Variants in ZNF423 observed in about 807,000 individuals in gnomAD.
The protein encoded by ZNF423 is Ebf-associated zinc finger protein.
Under a neutral mutation model 95.8 loss-of-function variants are expected in ZNF423, and 12 were observed. The ratio of observed to expected loss-of-function variants is 0.13; its 90% CI spans 0.08 to 0.20. The LOEUF (loss-of-function observed/expected upper bound fraction) is 0.20, where lower values mean the gene tolerates loss of function less well. ZNF423 is among the 10% of genes least tolerant of loss of function. The probability of loss-of-function intolerance (pLI) is 1.00; values close to 1 mark genes in which losing one functional copy is unlikely to be tolerated. For missense variants in ZNF423, 1,316 were observed against 1,737.1 expected (o/e 0.76, Z 4.31); for synonymous variants, 749 against 711.9 (o/e 1.05, Z -0.83).
At chr16:49,627,798 C>A (rs1972351830) in intron 4 of ZNF423, among the ~76,000 whole-genome samples, 1 of 150,208 alleles carries the variant, frequency 6.7e-6, no homozygotes. Flanking sequence ...ACATTCCCAC[C>A]CATCTACCCA....
intron 3 of ZNF423, among the ~76,000 whole-genome samples, chr16:49,714,930 G>C (rs1016499797): frequency 6.6e-6 from 1 of 152,108 alleles, no homozygotes; most frequent in Non-Finnish European, 1.5e-5. Flanking sequence ...AGTTGGGTGT[G>C]GCTTGGTGGA....
In ZNF423 at chr16:49,792,108, T is replaced by A. The variant is rs553569296; in HGVS notation, c.41-2562A>T. On this transcript the variant is annotated intron_variant, in intron 1 of 7. Coordinates refer to ENST00000563137, the MANE Select transcript of ZNF423 (RefSeq NM_001379286.1). Reference sequence around the variant, plus strand: ...TAAGGATACAGAGTTTCTTTTTGATTTTTTTTTCTTTTTCTTTTATTGATT... The same window carrying A: ...TAAGGATACAGAGTTTCTTTTTGATATTTTTTTCTTTTTCTTTTATTGATT... 6.6e-5 allele frequency among the ~76,000 whole-genome samples: 10 copies of A among 152,116 alleles called. No homozygotes were observed. The South Asian group carries it at 1.0e-3, about 16-fold the overall frequency.
intron 2 of ZNF423, among the ~76,000 whole-genome samples, chr16:49,781,719 C>T (rs1016791349): frequency 1.3e-5 from 2 of 152,184 alleles, no homozygotes; most frequent in African/African-American, 2.4e-5. Flanking sequence ...GCCAAAACCT[C>T]GGGGCAAAGG....
At chr16:49,797,416 A>G (rs2034515468) in intron 1 of ZNF423, among the ~76,000 whole-genome samples, 1 of 152,240 alleles carries the variant, frequency 6.6e-6, no homozygotes, top group Non-Finnish European at 1.5e-5. Flanking sequence ...GCACAAAAGC[A>G]TAGCCAATCA....
At chr16:49,848,407 T>C (rs918440310) in intron 1 of ZNF423, among the ~76,000 whole-genome samples, 4 of 152,232 alleles carry the variant, frequency 2.6e-5, no homozygotes, top group African/African-American at 9.6e-5. Flanking sequence ...CAAATGAATA[T>C]TCAAAACAGT....
At chr16:49,832,524 G>A (rs1405927680) in intron 1 of ZNF423, among the ~76,000 whole-genome samples, 1 of 152,116 alleles carries the variant, frequency 6.6e-6, no homozygotes, top group Non-Finnish European at 1.5e-5. Context: ...CCCAGGAAGA[G>A]CTCCTCAAAT....
At chr16:49,628,010 A>C (rs974733416) in intron 4 of ZNF423, among the ~76,000 whole-genome samples, 1 of 149,348 alleles carries the variant, frequency 6.7e-6, no homozygotes, top group African/African-American at 2.5e-5. Flanking sequence ...CTATCCATCC[A>C]TCTACATACA....
chr16:49,598,361 T>C (rs1971249459), intron 5 of ZNF423, among the ~76,000 whole-genome samples: 1 of 152,264 alleles, frequency 6.6e-6, no homozygotes, highest in Non-Finnish European at 1.5e-5. Context: ...GTAAGGTGCC[T>C]GGCCACAGCA....
intron 3 of ZNF423, among the ~76,000 whole-genome samples, chr16:49,649,595 G>A (rs554438633): frequency 1.3e-5 from 2 of 151,384 alleles, no homozygotes; most frequent in Non-Finnish European, 2.9e-5. Flanking sequence ...ATTAATTACT[G>A]TTTAAACATT....
chr16:49,832,857 G>T (rs1163090554), intron 1 of ZNF423, among the ~76,000 whole-genome samples: 2 of 152,100 alleles, frequency 1.3e-5, no homozygotes, highest in Non-Finnish European at 2.9e-5. Flanking sequence ...CGGGGACCTT[G>T]AAGTCCCAGA....
At chr16:49,729,967 A>G (rs1026101736) in intron 3 of ZNF423, among the ~76,000 whole-genome samples, 2 of 152,082 alleles carry the variant, frequency 1.3e-5, no homozygotes, top group African/African-American at 2.4e-5. Context: ...TTCATCAACA[A>G]CCCTGATGGA....
At chr16:49,683,877 C>A (rs2031464491) in intron 3 of ZNF423, among the ~76,000 whole-genome samples, 1 of 152,106 alleles carries the variant, frequency 6.6e-6, no homozygotes, top group Non-Finnish European at 1.5e-5. Flanking sequence ...CAGGAACCAG[C>A]CTGGGCAACA....
At chr16:49,685,125 C>T (rs974219190) in intron 3 of ZNF423, among the ~76,000 whole-genome samples, 2 of 152,182 alleles carry the variant, frequency 1.3e-5, no homozygotes, top group Non-Finnish European at 2.9e-5. Context: ...CACAACAGCT[C>T]AAGCTCAAGC....
At position 49,710,747 on chromosome 16, in the gene ZNF423, T is replaced by C. The variant is rs367950936; in HGVS notation, c.301+20024A>G. Among the ~76,000 whole-genome samples the C allele has an allele frequency of 2.6e-5, 4 of 152,306 alleles. No homozygotes were observed. The South Asian group carries it at 8.3e-4, about 32-fold the overall frequency. ...GGGGAAGATTCTCATTTAAGCTCCA[T>C]ACCAGTCAAGAGGTGACAACACGTG... On this transcript the variant is annotated intron_variant, in intron 3 of 7. Transcript: ENST00000563137.
Position 49,633,431 on chromosome 16 carries a change from T to C in ZNF423, c.3516+2229A>G, listed in dbSNP as rs554492278. Among the ~76,000 whole-genome samples the C allele has an allele frequency of 2.6e-5, 4 of 152,266 alleles. No individual in the cohort carries two copies. The East Asian group carries it at 7.7e-4, about 29-fold the overall frequency. On this transcript the variant is annotated intron_variant, in intron 4 of 7. Coordinates refer to ENST00000563137, the MANE Select transcript of ZNF423 (RefSeq NM_001379286.1). Reference sequence around the variant, plus strand: ...ACAGGCAGTGACCAATCAGAGCAGATAATGGTTAAAAAACCAGAGAGGCCC... The same window carrying C: ...ACAGGCAGTGACCAATCAGAGCAGACAATGGTTAAAAAACCAGAGAGGCCC...
intron 2 of ZNF423, among the ~76,000 whole-genome samples, chr16:49,747,805 C>T (rs538858726): frequency 2.4e-4 from 36 of 152,378 alleles, no homozygotes; most frequent in African/African-American, 8.2e-4. Context: ...TCCAATCCAG[C>T]GCTTTCTCAG....
chr16:49,854,585 C>G (rs900048980), intron 1 of ZNF423: 1 of 985,438 alleles, frequency 1.0e-6, no homozygotes, highest in African/African-American at 1.7e-5. Flanking sequence ...CCGCTCTCAT[C>G]GTTCCCCCCT....
intron 1 of ZNF423, among the ~76,000 whole-genome samples, chr16:49,838,684 G>A (rs966703015): frequency 1.4e-4 from 22 of 152,038 alleles, no homozygotes; most frequent in Admixed American, 1.0e-3. Flanking sequence ...AGTCCTGAGG[G>A]CGCCAGACTC....
intron 1 of ZNF423, 101 bp from the exon 2 acceptor site, chr16:49,789,647 A>G: frequency 8.8e-7 from 1 of 1,137,660 alleles, no homozygotes; most frequent in South Asian, 1.6e-5. Flanking sequence ...GGGGGTCCTT[A>G]TTATAATACC....
Sources: gnomAD v4.1 joint callset for allele counts (sites outside exome capture counted in the v4.1 genomes callset) on GRCh38, gnomAD v4.1.1 for gene constraint, MANE v1.5 for transcripts, NCBI Gene and HGNC (gene_info 2026-07-23, HGNC 2026-07-21) for gene names.